Variants in LRRC4C observed in about 807,000 individuals in gnomAD.
The protein encoded by LRRC4C is leucine-rich repeat-containing protein 4C.
Under a neutral mutation model 33.6 loss-of-function variants are expected in LRRC4C, and 5 were observed. That is an observed-to-expected ratio of 0.15 (90% CI 0.08 to 0.31). The LOEUF (loss-of-function observed/expected upper bound fraction) is 0.31, where lower values mean the gene tolerates loss of function less well. LRRC4C is among the 10% of genes least tolerant of loss of function. The pLI is 1.00. For synonymous variants in LRRC4C, 329 were observed against 302.0 expected, an observed-to-expected ratio of 1.09 and a Z score of -0.93; for missense variants, 560 against 796.7, an observed-to-expected ratio of 0.70 and a Z score of 3.58.
At chr11:41,114,395 A>G (rs1942008840) in intron 1 of LRRC4C, among the ~76,000 whole-genome samples, 1 of 152,064 alleles carries the variant, frequency 6.6e-6, no homozygotes, top group South Asian at 2.1e-4. Flanking sequence ...GCCTATTAGT[A>G]TATAGCTACC....
At chr11:40,987,249 C>T (rs888105141) in intron 1 of LRRC4C, among the ~76,000 whole-genome samples, 2 of 152,140 alleles carry the variant, frequency 1.3e-5, no homozygotes, top group Non-Finnish European at 2.9e-5. Context: ...GAAGCTAAAT[C>T]TCAGGGAATA....
intron 3 of LRRC4C, among the ~76,000 whole-genome samples, chr11:40,474,246 G>A (rs767330039): frequency 2.0e-5 from 3 of 152,022 alleles, no homozygotes; most frequent in Non-Finnish European, 2.9e-5. Context: ...ATAGACCAAC[G>A]GAACAGAACA....
intron 3 of LRRC4C, among the ~76,000 whole-genome samples, chr11:40,635,783 C>T (rs977222693): frequency 3.3e-5 from 5 of 151,652 alleles, no homozygotes; most frequent in African/African-American, 1.2e-4. Flanking sequence ...ACTACAGGCG[C>T]CCGCCACCAT....
At chr11:40,204,864 A>G (rs892257037) in intron 5 of LRRC4C, among the ~76,000 whole-genome samples, 1 of 152,106 alleles carries the variant, frequency 6.6e-6, no homozygotes, top group East Asian at 1.9e-4. Flanking sequence ...TTCGCTGCTG[A>G]TACTTAAAGG....
intron 1 of LRRC4C, among the ~76,000 whole-genome samples, chr11:41,111,933 T>A (rs186659147): frequency 1.3e-5 from 2 of 152,058 alleles, no homozygotes; most frequent in East Asian, 1.9e-4. Flanking sequence ...GAAAATATAT[T>A]TTTTTTCATA....
At chr11:40,833,378 A>G (rs1952506698) in intron 2 of LRRC4C, among the ~76,000 whole-genome samples, 3 of 152,208 alleles carry the variant, frequency 2.0e-5, no homozygotes, top group Admixed American at 2.0e-4. Context: ...ATTTAGTTAA[A>G]AAAAGGTAAA....
At chr11:40,354,990 C>T (rs956260555) in intron 3 of LRRC4C, among the ~76,000 whole-genome samples, 7 of 152,120 alleles carry the variant, frequency 4.6e-5, no homozygotes, top group Admixed American at 6.6e-5. Context: ...CCAAGGCCCA[C>T]GGGAAGTACT....
intron 2 of LRRC4C, among the ~76,000 whole-genome samples, chr11:40,780,797 T>A (rs11036076): frequency 0.067 from 10,121 of 152,036 alleles, 428 homozygotes; most frequent in African/African-American, 0.12. Flanking sequence ...GCTTTTTTTT[T>A]TTTAATACGA....
chr11:40,991,650 TG>T (rs1345572993), intron 1 of LRRC4C, among the ~76,000 whole-genome samples: 2 of 152,204 alleles, frequency 1.3e-5, no homozygotes, highest in African/African-American at 2.4e-5. Flanking sequence ...CAGTCCCATC[TG>T]GGGGTGATGG....
At chr11:40,534,186 A>T (rs978488424) in intron 3 of LRRC4C, among the ~76,000 whole-genome samples, 5 of 151,768 alleles carry the variant, frequency 3.3e-5, no homozygotes, top group Non-Finnish European at 5.9e-5. Flanking sequence ...AGGTTGGATG[A>T]CTCTTAGCAC....
intron 2 of LRRC4C, among the ~76,000 whole-genome samples, chr11:40,722,459 T>G (rs531430569): frequency 1.3e-5 from 2 of 152,318 alleles, no homozygotes; most frequent in African/African-American, 2.4e-5. Flanking sequence ...CTGTGAAACC[T>G]GCAGAAACCT....
In LRRC4C at chr11:40,994,053, C is replaced by CTT. The variant is rs10552924; in HGVS notation, c.-495-60332_-495-60331dup. On this transcript the variant is annotated intron_variant, in intron 1 of 6. Transcript: ENST00000528697. ...TTTTGCTCTGACCCATTGGAATGTA[C>CTT]TTTTTTTTTTTTTTTTAAGGAGTTC... Among the ~76,000 whole-genome samples the CTT allele has an allele frequency of 4.4e-3, 643 of 144,706 alleles. 1 individual carries two copies. Among genetic ancestry groups the CTT allele is most frequent in the Non-Finnish European group, 6.2e-3 (415 of 66,474 alleles). The allele number at this position is 144,706 out of a possible 152,430, so 94.9% of individuals were successfully genotyped here.
chr11:40,909,550 C>G (rs1387067610), intron 2 of LRRC4C, among the ~76,000 whole-genome samples: 2 of 152,008 alleles, frequency 1.3e-5, no homozygotes, highest in Non-Finnish European at 2.9e-5. Context: ...CAGATAATTT[C>G]ATACAGAGAA....
intron 1 of LRRC4C, among the ~76,000 whole-genome samples, chr11:41,186,502 G>T (rs1266320114): frequency 3.3e-5 from 5 of 152,148 alleles, no homozygotes; most frequent in African/African-American, 9.7e-5. Flanking sequence ...TGGCTCATGG[G>T]TTAGGCACTA....
In LRRC4C at chr11:41,176,743, G is replaced by A. The variant is rs530216505; in HGVS notation, c.-495-243020C>T. ...TTTGGGAGGCTGACGCAGGCGGATTGCCTGAGCTCAGGAGTTCGAGACCAG... is the reference window on the plus strand; with the variant it reads ...TTTGGGAGGCTGACGCAGGCGGATTACCTGAGCTCAGGAGTTCGAGACCAG... On this transcript the variant is annotated intron_variant, in intron 1 of 6. Coordinates refer to ENST00000528697, the MANE Select transcript of LRRC4C (RefSeq NM_001258419.2). 1.5e-4 allele frequency among the ~76,000 whole-genome samples: 23 copies of A among 152,090 alleles called. 1 individual carries two copies. The South Asian group carries it at 4.6e-3, about 30-fold the overall frequency.
intron 1 of LRRC4C, among the ~76,000 whole-genome samples, chr11:41,023,072 A>G (rs1204671523): frequency 6.6e-6 from 1 of 151,978 alleles, no homozygotes; most frequent in East Asian, 1.9e-4. Flanking sequence ...GCACATTTTA[A>G]TTTATTGAAA....
chr11:40,306,619 C>G (rs1489732498), intron 4 of LRRC4C, among the ~76,000 whole-genome samples: 5 of 152,186 alleles, frequency 3.3e-5, no homozygotes, highest in Non-Finnish European at 5.9e-5. Context: ...ATGGCTAATA[C>G]ACAGTCAAAA....
intron 1 of LRRC4C, among the ~76,000 whole-genome samples, chr11:41,417,976 G>A (rs1023038340): frequency 8.8e-5 from 13 of 147,828 alleles, no homozygotes; most frequent in African/African-American, 1.2e-4. Flanking sequence ...AAATATATAC[G>A]TGTATATATA....
chr11:40,328,706 C>G (rs535357799), intron 3 of LRRC4C, among the ~76,000 whole-genome samples: 272 of 152,116 alleles, frequency 1.8e-3, no homozygotes, highest in Non-Finnish European at 2.9e-3. Flanking sequence ...TAATTTTCCC[C>G]CAGAGAATAA....
Sources: allele counts gnomAD v4.1 joint callset (sites outside exome capture counted in the v4.1 genomes callset), GRCh38; gene constraint gnomAD v4.1.1; transcripts MANE v1.5; gene names NCBI Gene and HGNC (gene_info 2026-07-23, HGNC 2026-07-21).